NDUFA13: variants seen among roughly 807,000 people sequenced by gnomAD.
The protein encoded by NDUFA13 is NADH dehydrogenase [ubiquinone] 1 alpha subcomplex subunit 13.
NDUFA13 carries 16 observed loss-of-function variants against 17.0 expected under a neutral mutation model. The observed-to-expected ratio is 0.94, with a 90% CI of 0.64 to 1.43. The LOEUF is 1.43. NDUFA13 is among the 40% of genes most tolerant of loss of function. The probability of loss-of-function intolerance (pLI) is 0.00; values close to 1 mark genes in which losing one functional copy is unlikely to be tolerated. For missense variants in NDUFA13, 228 were observed against 206.7 expected (o/e 1.10, Z -0.63); for synonymous variants, 87 against 78.4 (o/e 1.11, Z -0.58).
rs1388295941 is a variant in NDUFA13 at position 19,524,824 on chromosome 19, AAAAAG to A, written c.95-1350_95-1346del. Among the ~76,000 whole-genome samples the A allele has an allele frequency of 2.0e-5, 3 of 152,114 alleles. No individual in the cohort carries two copies. In the East Asian group the frequency reaches 5.8e-4, roughly 29 times the overall value. ...CCGTCTCAAAAATAAATTAATTAAA[AAAAAG>A]AAAAGAACGAGATATGACCAGCCTG... is the stretch of plus-strand genomic sequence containing the variant. On this transcript the variant is annotated intron_variant, in intron 1 of 4. Transcript: ENST00000507754.
chr19:19,525,327 G>C (rs1288408777), intron 1 of NDUFA13, among the ~76,000 whole-genome samples: 6 of 152,270 alleles, frequency 3.9e-5, no homozygotes, highest in Admixed American at 3.9e-4. Flanking sequence ...CTGGAGCAGA[G>C]CTGAAGGCAG....
chr19:19,523,037 A>G (rs1406380238), intron 1 of NDUFA13, among the ~76,000 whole-genome samples: 1 of 152,170 alleles, frequency 6.6e-6, no homozygotes, highest in African/African-American at 2.4e-5. Context: ...GCTGTGGGAT[A>G]AGTTTTGAAA....
rs71170693 is a variant in NDUFA13, at chr19:19,519,045, A to ATTTTTTTTTTTTTTTT, written c.94+2715_94+2730dup. Among the ~76,000 whole-genome samples, 85 of 114,860 alleles carry ATTTTTTTTTTTTTTTT rather than the reference A, an allele frequency of 7.4e-4. 1 individual carries two copies. The highest frequency in any genetic ancestry group is 2.4e-3 in the African/African-American group (64 of 26,286). The allele number at this position is 114,860 out of a possible 152,430, so 75.4% of individuals were successfully genotyped here. On this transcript the variant is annotated intron_variant, in intron 1 of 4. Transcript: ENST00000507754. ...AGGTGTGAGCCACTGGGCCCGGCCT[A>ATTTTTTTTTTTTTTTT]TTTTTTTTTTTTTTTTTGTATTTTT... is the stretch of plus-strand genomic sequence containing the variant.
intron 1 of NDUFA13, among the ~76,000 whole-genome samples, chr19:19,524,492 G>A (rs541482638): frequency 6.6e-6 from 1 of 152,306 alleles, no homozygotes; most frequent in East Asian, 1.9e-4. Context: ...GGGCAGCCCA[G>A]GTCTGTCCCC....
intron 2 of NDUFA13, among the ~76,000 whole-genome samples, chr19:19,526,884 G>T (rs531442426): frequency 6.6e-6 from 1 of 152,022 alleles, no homozygotes; most frequent in East Asian, 1.9e-4. Flanking sequence ...TTGTGGCCCC[G>T]CCTGCCCCAG....
intron 1 of NDUFA13, among the ~76,000 whole-genome samples, chr19:19,524,837 C>G (rs763201162): frequency 6.6e-6 from 1 of 151,722 alleles, no homozygotes; most frequent in Non-Finnish European, 1.5e-5. Context: ...AAGAAAAGAA[C>G]GAGATATGAC....
intron 1 of NDUFA13, among the ~76,000 whole-genome samples, chr19:19,525,535 CTG>C (rs1319976749): frequency 1.3e-5 from 2 of 152,324 alleles, no homozygotes; most frequent in South Asian, 2.1e-4. Flanking sequence ...AGAGAAGAGA[CTG>C]GGGCTGGAAG....
intron 1 of NDUFA13, among the ~76,000 whole-genome samples, chr19:19,522,064 G>C (rs909703418): frequency 3.3e-5 from 5 of 152,036 alleles, no homozygotes; most frequent in Non-Finnish European, 7.4e-5. Flanking sequence ...CAGCACTTTG[G>C]GGGGCAGAGG....
At chr19:19,519,171 A>G (rs1254286633) in intron 1 of NDUFA13, among the ~76,000 whole-genome samples, 1 of 151,340 alleles carries the variant, frequency 6.6e-6, no homozygotes, top group Non-Finnish European at 1.5e-5. Context: ...TATTACAGGC[A>G]TGAGCCACCA....
intron 1 of NDUFA13, among the ~76,000 whole-genome samples, chr19:19,525,569 G>A (rs1433457167): frequency 1.3e-5 from 2 of 152,212 alleles, no homozygotes; most frequent in Admixed American, 1.3e-4. Context: ...TGCAGGGTGA[G>A]CCTGGGAGCC....
intron 1 of NDUFA13, among the ~76,000 whole-genome samples, chr19:19,519,045 A>ATTTTTTTT (rs71170693): frequency 0.085 from 9,734 of 114,380 alleles, 800 homozygotes; most frequent in South Asian, 0.17. Flanking sequence ...GGCCCGGCCT[A>ATTTTTTTT]TTTTTTTTTT....
At chr19:19,526,370 C>T (rs2061099751) in intron 2 of NDUFA13, 110 bp downstream of exon 2, 2 of 1,195,218 alleles carry the variant, frequency 1.7e-6, no homozygotes, top group African/African-American at 1.5e-5. Context: ...GCCCCTTGGA[C>T]TTGGCTGTGC....
intron 1 of NDUFA13, among the ~76,000 whole-genome samples, chr19:19,517,131 G>A (rs998858673): frequency 6.6e-6 from 1 of 152,082 alleles, no homozygotes; most frequent in Admixed American, 6.5e-5. Context: ...TTTGTTATCG[G>A]GCTCAGCACA....
chr19:19,526,158 G>A (rs369296794), intron 1 of NDUFA13, 24 bp from the exon 2 acceptor site: 5 of 1,612,064 alleles, frequency 3.1e-6, no homozygotes, highest in East Asian at 2.2e-5. Context: ...GGGCTGGCCC[G>A]CTGAGCAGCG....
intron 1 of NDUFA13, among the ~76,000 whole-genome samples, chr19:19,524,425 G>A (rs1003459834): frequency 2.6e-5 from 4 of 152,222 alleles, no homozygotes; most frequent in Admixed American, 6.5e-5. Context: ...GTATGAGTGC[G>A]CAGGTGTGAG....
intron 1 of NDUFA13, among the ~76,000 whole-genome samples, chr19:19,517,043 T>C (rs1273386480): frequency 6.6e-6 from 1 of 152,142 alleles, no homozygotes; most frequent in Admixed American, 6.6e-5. Flanking sequence ...CACCTCGGCC[T>C]CCCAAAGTGC....
At chr19:19,517,849 C>T (rs1225173047) in intron 1 of NDUFA13, among the ~76,000 whole-genome samples, 3 of 152,070 alleles carry the variant, frequency 2.0e-5, no homozygotes, top group Non-Finnish European at 4.4e-5. Flanking sequence ...TCTTGTATCC[C>T]AGAACTGAGA....
chr19:19,525,457 C>A (rs1315679947), intron 1 of NDUFA13, among the ~76,000 whole-genome samples: 1 of 152,190 alleles, frequency 6.6e-6, no homozygotes, highest in Non-Finnish European at 1.5e-5. Context: ...CTGGTCATTT[C>A]CTGGGTGTTG....
At chr19:19,519,431 A>T (rs1281730618) in intron 1 of NDUFA13, among the ~76,000 whole-genome samples, 1 of 151,804 alleles carries the variant, frequency 6.6e-6, no homozygotes, top group African/African-American at 2.4e-5. Flanking sequence ...TGCCCTAAAT[A>T]CCACTGCCTG....
Sources: gnomAD v4.1 joint callset for allele counts (sites outside exome capture counted in the v4.1 genomes callset) on GRCh38, gnomAD v4.1.1 for gene constraint, MANE v1.5 for transcripts, NCBI Gene and HGNC (gene_info 2026-07-23, HGNC 2026-07-21) for gene names.